The following MATCAP2 variants were observed in gnomAD, a reference collection of about 807,000 sequenced individuals.
MATCAP2 encodes microtubule associated tyrosine carboxypeptidase 2.
At chr7:36,367,114 CACTG>C in the MATCAP2 span, 44 of 1,234,572 alleles carry the variant, frequency 3.6e-5, no homozygotes, top group Non-Finnish European at 4.1e-5. Flanking sequence ...GACGTACCGA[CACTG>C]ACTGTGAGCA....
chr7:36,390,089 G>A, the MATCAP2 span: 1 of 1,612,570 alleles, frequency 6.2e-7, no homozygotes, highest in Non-Finnish European at 8.5e-7. Context: ...CACCGCTCTA[G>A]GCCCCCACCC....
chr7:36,347,524 T>C, the MATCAP2 span, among the ~76,000 whole-genome samples: 1 of 152,182 alleles, frequency 6.6e-6, no homozygotes, highest in Non-Finnish European at 1.5e-5. Context: ...TGTGTGCTCT[T>C]AGGTTTGTCG....
At chr7:36,390,182 G>A in the MATCAP2 span, 19 of 1,462,922 alleles carry the variant, frequency 1.3e-5, no homozygotes, top group African/African-American at 1.1e-4. Flanking sequence ...TGCGGGCCGG[G>A]GTCGCCGCGG....
chr7:36,325,952 C>G, the MATCAP2 span: 1 of 151,586 alleles, frequency 6.6e-6, no homozygotes, highest in Non-Finnish European at 1.5e-5. Context: ...GTTACATATT[C>G]TGTTTCATAA....
At chr7:36,331,003 A>G in the MATCAP2 span, 8 of 1,612,686 alleles carry the variant, frequency 5.0e-6, no homozygotes, top group Admixed American at 1.7e-5. Flanking sequence ...CAGTCAGCAG[A>G]TGGAAGTCTA....
the MATCAP2 span, among the ~76,000 whole-genome samples, chr7:36,370,047 CTG>C: frequency 6.6e-6 from 1 of 152,164 alleles, no homozygotes; most frequent in Non-Finnish European, 1.5e-5. Context: ...AAATATATCT[CTG>C]TGTATTATTG....
At chr7:36,336,193 G>GT in the MATCAP2 span, 1 of 1,536,344 alleles carries the variant, frequency 6.5e-7, no homozygotes, top group Non-Finnish European at 8.7e-7. Context: ...ACTTCCTAAC[G>GT]TGACTCCAGA....
the MATCAP2 span, among the ~76,000 whole-genome samples, chr7:36,345,893 T>G: frequency 6.6e-6 from 1 of 152,000 alleles, no homozygotes; most frequent in Non-Finnish European, 1.5e-5. Flanking sequence ...ATCATAAAAA[T>G]AAAAAGTGAC....
the MATCAP2 span, among the ~76,000 whole-genome samples, chr7:36,378,642 A>G: frequency 6.6e-6 from 1 of 152,242 alleles, no homozygotes. Context: ...GCTGTCAGAC[A>G]GGGATGTTTA....
the MATCAP2 span, chr7:36,366,798 C>T: frequency 3.5e-5 from 54 of 1,533,148 alleles, no homozygotes; most frequent in East Asian, 1.2e-3. Flanking sequence ...GGGGTCGGGG[C>T]GCAGGGTGGA....
At chr7:36,385,111 C>A in the MATCAP2 span, among the ~76,000 whole-genome samples, 1 of 152,054 alleles carries the variant, frequency 6.6e-6, no homozygotes, top group Non-Finnish European at 1.5e-5. Context: ...AACAAAGATA[C>A]GTAGGAATAA....
the MATCAP2 span, among the ~76,000 whole-genome samples, chr7:36,346,005 CA>C: frequency 6.6e-6 from 1 of 151,900 alleles, no homozygotes; most frequent in Non-Finnish European, 1.5e-5. Flanking sequence ...GAAAAATTGG[CA>C]AAGGATCTGA....
the MATCAP2 span, among the ~76,000 whole-genome samples, chr7:36,353,336 TTAATATGTAATCTTCTGAGAG>T: frequency 6.6e-6 from 1 of 152,194 alleles, no homozygotes; most frequent in Non-Finnish European, 1.5e-5. Flanking sequence ...TGAGCAATTG[TTAATATGTAATCTTCTGAGAG>T]TAAGCTGTTC....
the MATCAP2 span, chr7:36,325,106 G>A: frequency 6.6e-6 from 1 of 152,206 alleles, no homozygotes; most frequent in Non-Finnish European, 1.5e-5. Context: ...ACTACACAAT[G>A]CTGAGAAAGT....
chr7:36,335,403 G>C, the MATCAP2 span, among the ~76,000 whole-genome samples: 1 of 152,194 alleles, frequency 6.6e-6, no homozygotes, highest in Non-Finnish European at 1.5e-5. Context: ...AGGGAAAGTA[G>C]ATGGCTGTGC....
At chr7:36,367,401 C>T in the MATCAP2 span, 408 of 955,836 alleles carry the variant, frequency 4.3e-4, 5 homozygotes, top group South Asian at 0.012. Flanking sequence ...GCTGTGCCCG[C>T]GAGCGCGCTG....
the MATCAP2 span, among the ~76,000 whole-genome samples, chr7:36,328,898 C>G: frequency 1.4e-4 from 21 of 152,054 alleles, no homozygotes; most frequent in Admixed American, 1.2e-3. Context: ...ACAAAATTAG[C>G]CGGGTGTGGT....
chr7:36,389,910 GT>G, the MATCAP2 span: 1 of 1,586,114 alleles, frequency 6.3e-7, no homozygotes, highest in Non-Finnish European at 8.6e-7. Context: ...TTGTGGGAGA[GT>G]TCCCCCGCCT....
the MATCAP2 span, chr7:36,357,106 C>T: frequency 4.3e-6 from 7 of 1,614,224 alleles, no homozygotes; most frequent in South Asian, 2.2e-5. Flanking sequence ...AGCTTCTAGA[C>T]AGCTGAGGCT....
Sources: gnomAD v4.1 joint callset for allele counts (sites outside exome capture counted in the v4.1 genomes callset) on GRCh38, gnomAD v4.1.1 for gene constraint, MANE v1.5 for transcripts, NCBI Gene and HGNC (gene_info 2026-07-23, HGNC 2026-07-21) for gene names.